Variants in HIBADH observed in about 807,000 individuals in gnomAD.
HIBADH encodes 3-hydroxyisobutyrate dehydrogenase.
HIBADH carries 25 observed loss-of-function variants against 36.1 expected under a neutral mutation model. The observed-to-expected ratio is 0.69, with a 90% confidence interval of 0.50 to 0.97. HIBADH has a LOEUF of 0.97. Among genes scored for constraint, HIBADH ranks in the 50% least tolerant of loss-of-function variants. The probability of loss-of-function intolerance (pLI) is 0.00; values close to 1 mark genes in which losing one functional copy is unlikely to be tolerated. For missense variants in HIBADH, 421 were observed against 418.0 expected, an observed-to-expected ratio of 1.01 and a Z score of -0.06; for synonymous variants, 160 against 149.5, an observed-to-expected ratio of 1.07 and a Z score of -0.51.
At chr7:27,553,228 A>G (rs916025041) in intron 4 of HIBADH, among the ~76,000 whole-genome samples, 4 of 152,226 alleles carry the variant, frequency 2.6e-5, no homozygotes, top group East Asian at 3.8e-4. Flanking sequence ...ATTATAGGCT[A>G]TATCTGAAAC....
Position 27,649,541 on chromosome 7 carries a change from C to T in HIBADH, c.184G>A (p.Gly62Ser). 2.5e-6 allele frequency: 4 copies of T among 1,613,894 alleles called. No individual in the cohort carries two copies. Among genetic ancestry groups the T allele is most frequent in the Non-Finnish European group, 3.4e-6 (4 of 1,179,892 alleles). Residue 62 changes from glycine (G) to serine (S), a missense_variant, in exon 2 of 8, where the codon GGC becomes AGC. By Grantham distance (56) the Gly-to-Ser change is moderately conservative (BLOSUM62 0). Transcript: ENST00000265395. Reference protein sequence around the residue: ...NPMAKNLMKHGYPLIIYDVFP... With the variant: ...NPMAKNLMKHSYPLIIYDVFP... ...ACATCATAAATAATAAGTGGATAGC[C>T]ATGTTTCATGAGATTTTTTGCCATT...
Position 27,526,110 on chromosome 7 carries a change from A to C in HIBADH, c.*104T>G. ...TACTGTGACCTAGACAATCAAAAGC[A>C]GATAGGTGACCTTTGATTAAATCCA... On this transcript the variant is annotated 3_prime_UTR_variant, in exon 8 of 8. Coordinates refer to ENST00000265395, the MANE Select transcript of HIBADH (RefSeq NM_152740.4). The C allele has an allele frequency of 1.1e-6, 1 of 915,726 alleles. No individual in the cohort carries two copies. The highest frequency in any genetic ancestry group is 1.5e-6 in the Non-Finnish European group (1 of 647,582). The allele number at this position is 915,726 out of a possible 1,614,324, so 56.7% of individuals were successfully genotyped here. A position where few individuals can be genotyped will look rare whatever the true frequency, so the allele number is the denominator to read the frequency against.
chr7:27,657,535 A>C (rs186859668), intron 1 of HIBADH, among the ~76,000 whole-genome samples: 1 of 152,262 alleles, frequency 6.6e-6, no homozygotes, highest in Non-Finnish European at 1.5e-5. Flanking sequence ...ACTGAAGTAG[A>C]GTGCTGATGT....
intron 4 of HIBADH, among the ~76,000 whole-genome samples, chr7:27,617,726 T>C (rs546516953): frequency 1.3e-5 from 2 of 152,276 alleles, no homozygotes; most frequent in Admixed American, 6.5e-5. Context: ...GTCTCTGCAA[T>C]GGACTGTTGC....
chr7:27,617,034 A>C (rs1201548036), intron 4 of HIBADH, among the ~76,000 whole-genome samples: 1 of 152,216 alleles, frequency 6.6e-6, no homozygotes, highest in Non-Finnish European at 1.5e-5. Flanking sequence ...TACAGTGTTT[A>C]TCAAGTCTAC....
chr7:27,642,123 C>T (rs1466708117), intron 2 of HIBADH, among the ~76,000 whole-genome samples: 2 of 152,132 alleles, frequency 1.3e-5, no homozygotes, highest in African/African-American at 4.8e-5. Context: ...TTCTTCACAC[C>T]CAGTGACATA....
intron 6 of HIBADH, among the ~76,000 whole-genome samples, chr7:27,532,441 G>C (rs2128183066): frequency 6.6e-6 from 1 of 152,306 alleles, no homozygotes; most frequent in East Asian, 1.9e-4. Context: ...TACTCTGTGT[G>C]TCTAAAACAC....
At chr7:27,535,489 T>G (rs138033232) in intron 6 of HIBADH, among the ~76,000 whole-genome samples, 2 of 152,166 alleles carry the variant, frequency 1.3e-5, no homozygotes, top group African/African-American at 4.8e-5. Context: ...CTGGGCCTGG[T>G]TGGCAATGCA....
intron 3 of HIBADH, among the ~76,000 whole-genome samples, chr7:27,630,602 C>A (rs1224941405): frequency 6.6e-6 from 1 of 151,892 alleles, no homozygotes; most frequent in Non-Finnish European, 1.5e-5. Context: ...AAATAGCACA[C>A]AAAATGGTTT....
chr7:27,586,043 C>T (rs1040890681), intron 4 of HIBADH, among the ~76,000 whole-genome samples: 4 of 152,186 alleles, frequency 2.6e-5, no homozygotes, highest in African/African-American at 9.7e-5. Flanking sequence ...GGTGACTTAA[C>T]AAACTGACTT....
At chr7:27,577,895 A>G (rs1461067174) in intron 4 of HIBADH, among the ~76,000 whole-genome samples, 1 of 152,224 alleles carries the variant, frequency 6.6e-6, no homozygotes, top group African/African-American at 2.4e-5. Flanking sequence ...TAGCTGGATA[A>G]TGAGTTGTAC....
At position 27,662,648 on chromosome 7, in the gene HIBADH, A is replaced by C. The variant is rs989817314; in HGVS notation, c.91+50T>G. 3.3e-5 allele frequency: 38 copies of C among 1,147,314 alleles called. No individual in the cohort carries two copies. The South Asian group carries it at 5.2e-4, about 16-fold the overall frequency. 71.1% of individuals were successfully genotyped at this position (1,147,314 alleles called of 1,614,324 possible). A position where few individuals can be genotyped will look rare whatever the true frequency, so the allele number is the denominator to read the frequency against. ...ACTTCTTCGGCCGTCTGGACAGAAG[A>C]AGCGAGCGGCCGAAAGAAGGACAAG... On this transcript the variant is annotated intron_variant, in intron 1 of 7. Coordinates refer to ENST00000265395, the MANE Select transcript of HIBADH (RefSeq NM_152740.4).
chr7:27,611,995 C>CT (rs577148542), intron 4 of HIBADH, among the ~76,000 whole-genome samples: 34 of 149,588 alleles, frequency 2.3e-4, no homozygotes, highest in Admixed American at 6.7e-4. Flanking sequence ...GTTACTCTTC[C>CT]TTTTTTTTTT....
chr7:27,620,221 G>A (rs916655628), intron 4 of HIBADH, among the ~76,000 whole-genome samples: 1 of 152,086 alleles, frequency 6.6e-6, no homozygotes, highest in Non-Finnish European at 1.5e-5. Context: ...AGGAGGTTGG[G>A]GTTGGGGGGA....
chr7:27,576,441 T>G (rs1255544480), intron 4 of HIBADH, among the ~76,000 whole-genome samples: 1 of 152,220 alleles, frequency 6.6e-6, no homozygotes, highest in Non-Finnish European at 1.5e-5. Flanking sequence ...TGTCATTGAA[T>G]GATTAAATAT....
chr7:27,534,702 T>A (rs1784048561), intron 6 of HIBADH, among the ~76,000 whole-genome samples: 1 of 152,078 alleles, frequency 6.6e-6, no homozygotes, highest in East Asian at 1.9e-4. Context: ...AGACAGGTAA[T>A]AAACAGACAA....
intron 4 of HIBADH, among the ~76,000 whole-genome samples, chr7:27,549,492 C>G (rs1784286030): frequency 6.6e-6 from 1 of 152,130 alleles, no homozygotes; most frequent in Non-Finnish European, 1.5e-5. Flanking sequence ...AAATATAGAT[C>G]TGAGTATCCT....
At chr7:27,645,587 G>A (rs1786054952) in intron 2 of HIBADH, among the ~76,000 whole-genome samples, 1 of 151,582 alleles carries the variant, frequency 6.6e-6, no homozygotes, top group African/African-American at 2.4e-5. Context: ...TCACCATGTT[G>A]GCCAGGCTGG....
chr7:27,557,294 T>C (rs989902789), intron 4 of HIBADH, among the ~76,000 whole-genome samples: 10 of 152,096 alleles, frequency 6.6e-5, no homozygotes, highest in Non-Finnish European at 1.5e-4. Flanking sequence ...AGCAGATAAG[T>C]GGTGTCTCCA....
Sources: gnomAD v4.1 joint callset for allele counts (sites outside exome capture counted in the v4.1 genomes callset) on GRCh38, gnomAD v4.1.1 for gene constraint, MANE v1.5 for transcripts, NCBI Gene and HGNC (gene_info 2026-07-23, HGNC 2026-07-21) for gene names.